The following TOX2 variants were observed in gnomAD, a reference collection of about 807,000 sequenced individuals.
TOX2 encodes TOX high mobility group box family member 2.
In TOX2, 15 loss-of-function variants were observed where a neutral mutation model predicts 47.4. That is an observed-to-expected ratio of 0.32 (90% CI 0.21 to 0.49). The LOEUF (loss-of-function observed/expected upper bound fraction) is 0.49. TOX2 is among the 20% of genes least tolerant of loss of function. The probability of loss-of-function intolerance (pLI) is 0.99; values close to 1 mark genes in which losing one functional copy is unlikely to be tolerated. For missense variants in TOX2, 622 were observed against 673.1 expected, an observed-to-expected ratio of 0.92 and a Z score of 0.84; for synonymous variants, 290 against 296.6, an observed-to-expected ratio of 0.98 and a Z score of 0.23.
At chr20:43,954,161 G>A (rs1463386313) in intron 1 of TOX2, among the ~76,000 whole-genome samples, 1 of 152,150 alleles carries the variant, frequency 6.6e-6, no homozygotes, top group African/African-American at 2.4e-5. Flanking sequence ...TCTGCCTACT[G>A]TGTCCTGCCT....
chr20:43,989,837 G>A (rs552512318), intron 2 of TOX2, among the ~76,000 whole-genome samples: 28 of 151,810 alleles, frequency 1.8e-4, no homozygotes, highest in Admixed American at 9.2e-4. Context: ...GTTACTGCAT[G>A]CCAGGAATCA....
At chr20:44,023,357 G>A (rs1279351694) in intron 3 of TOX2, among the ~76,000 whole-genome samples, 2 of 142,924 alleles carry the variant, frequency 1.4e-5, no homozygotes, top group East Asian at 4.4e-4. Flanking sequence ...TTGAACTTGG[G>A]AGGCAGAGTT....
chr20:44,055,954 G>C (rs7269222), intron 5 of TOX2, among the ~76,000 whole-genome samples: 17,937 of 152,074 alleles, frequency 0.12, 1,184 homozygotes, highest in African/African-American at 0.18. Context: ...GAGTTTATTT[G>C]GGAGATGATC....
intron 1 of TOX2, among the ~76,000 whole-genome samples, chr20:43,957,846 CA>C (rs1342334087): frequency 6.6e-5 from 10 of 152,142 alleles, no homozygotes; most frequent in African/African-American, 2.4e-4. Flanking sequence ...GTACACTTCA[CA>C]TGGCCAGCAG....
At chr20:44,068,233 G>C (rs2145809261) in intron 8 of TOX2, among the ~76,000 whole-genome samples, 1 of 152,218 alleles carries the variant, frequency 6.6e-6, no homozygotes, top group African/African-American at 2.4e-5. Flanking sequence ...AGCCTCCTGA[G>C]GCTTGCCCAT....
intron 2 of TOX2, among the ~76,000 whole-genome samples, chr20:44,004,716 A>T (rs2070648351): frequency 6.6e-6 from 1 of 152,226 alleles, no homozygotes; most frequent in South Asian, 2.1e-4. Flanking sequence ...TTCATCCAGC[A>T]GACACTCAGG....
chr20:43,916,968 G>C lies in TOX2; in HGVS notation c.99+1978G>C, dbSNP rs1262066399. On this transcript the variant is annotated intron_variant, in intron 1 of 8. Coordinates refer to ENST00000341197, the MANE Select transcript of TOX2 (RefSeq NM_001098797.2). This position sits in a 1 kb window ranked among gnomAD's most constrained non-coding sequence, Gnocchi z 5.0. ...ATCTCGCCGGGAAGGGCCCGTCAGG[G>C]AGGGAATGAGAAGCCGGCGATTCTG... 1.3e-5 allele frequency among the ~76,000 whole-genome samples: 2 copies of C among 152,200 alleles called. No individual in the cohort carries two copies. Among genetic ancestry groups the C allele is most frequent in the Non-Finnish European group, 2.9e-5 (2 of 68,038 alleles).
intron 1 of TOX2, among the ~76,000 whole-genome samples, chr20:43,953,583 A>G (rs1474238517): frequency 2.0e-5 from 3 of 152,130 alleles, no homozygotes; most frequent in South Asian, 2.1e-4. Context: ...GGCTGGTGGC[A>G]AGGTCAGTGT....
In TOX2 at chr20:43,926,353, G is replaced by C. The variant is rs530416509; in HGVS notation, c.99+11363G>C. ...GCAAATCCAGATGTTGGATCCAAAT[G>C]TGACTTTGAGTTTGATGGAAGTGCC... On this transcript the variant is annotated intron_variant, in intron 1 of 8. Coordinates refer to ENST00000341197, the MANE Select transcript of TOX2 (RefSeq NM_001098797.2). Among the ~76,000 whole-genome samples the C allele has an allele frequency of 9.9e-5, 15 of 152,270 alleles. No individual in the cohort carries two copies. The South Asian group carries it at 3.1e-3, about 32-fold the overall frequency.
intron 3 of TOX2, among the ~76,000 whole-genome samples, chr20:44,009,819 G>A (rs1021277711): frequency 1.3e-5 from 2 of 152,190 alleles, no homozygotes; most frequent in Non-Finnish European, 2.9e-5. Flanking sequence ...TTTGTCATCT[G>A]CTATGAGGGC....
chr20:44,006,134 CT>C (rs1256908275), intron 2 of TOX2, among the ~76,000 whole-genome samples: 1 of 152,238 alleles, frequency 6.6e-6, no homozygotes, highest in Non-Finnish European at 1.5e-5. Flanking sequence ...AATCAGGATA[CT>C]TCAGCTCCAT....
At position 43,948,999 on chromosome 20, in the gene TOX2, C is replaced by T. The variant is rs573992469; in HGVS notation, c.100-24368C>T. Among the ~76,000 whole-genome samples the T allele has an allele frequency of 4.6e-5, 7 of 152,224 alleles. No homozygotes were observed. The East Asian group carries it at 9.7e-4, about 21-fold the overall frequency. On this transcript the variant is annotated intron_variant, in intron 1 of 8. Coordinates refer to ENST00000341197, the MANE Select transcript of TOX2 (RefSeq NM_001098797.2). ...ATTGAGGCCATGGGAGCAGCAGCCC[C>T]CTAGTCATGGGGGGATTGGTGTAGA...
intron 1 of TOX2, among the ~76,000 whole-genome samples, chr20:43,919,729 T>C (rs574305274): frequency 7.2e-5 from 11 of 152,340 alleles, no homozygotes; most frequent in Non-Finnish European, 1.3e-4. Flanking sequence ...TGTGTCCATG[T>C]GTTCTCATTG....
chr20:43,949,744 C>T (rs1457734859), intron 1 of TOX2, among the ~76,000 whole-genome samples: 3 of 152,182 alleles, frequency 2.0e-5, no homozygotes, highest in Non-Finnish European at 4.4e-5. Context: ...TCTCTGATTG[C>T]CCCCACCGTC....
At chr20:44,067,349 C>T (rs906658723) in intron 8 of TOX2, among the ~76,000 whole-genome samples, 5 of 152,118 alleles carry the variant, frequency 3.3e-5, no homozygotes, top group Non-Finnish European at 5.9e-5. Flanking sequence ...GGAGCATGAA[C>T]GGTGCTAGAG....
At chr20:43,951,446 G>T (rs1056034574) in intron 1 of TOX2, among the ~76,000 whole-genome samples, 1 of 151,778 alleles carries the variant, frequency 6.6e-6, no homozygotes, top group Non-Finnish European at 1.5e-5. Context: ...GTATGGTGGC[G>T]CACACCTGTA....
At chr20:44,005,695 G>A (rs1375418191) in intron 2 of TOX2, among the ~76,000 whole-genome samples, 2 of 152,238 alleles carry the variant, frequency 1.3e-5, no homozygotes, top group East Asian at 3.8e-4. Flanking sequence ...GAGCCTGTCA[G>A]TGGATGCAGG....
chr20:44,048,768 G>C (rs1440601884), intron 3 of TOX2, among the ~76,000 whole-genome samples: 3 of 151,542 alleles, frequency 2.0e-5, no homozygotes, highest in Admixed American at 2.0e-4. Context: ...AAAAAAATGA[G>C]ACAAAAAAGA....
At chr20:44,030,201 C>A (rs1393442862) in intron 3 of TOX2, among the ~76,000 whole-genome samples, 1 of 152,122 alleles carries the variant, frequency 6.6e-6, no homozygotes, top group Non-Finnish European at 1.5e-5. Context: ...GTCTCTTCTC[C>A]TATGTAAGCA....
Sources: allele counts gnomAD v4.1 joint callset (sites outside exome capture counted in the v4.1 genomes callset), GRCh38; gene constraint gnomAD v4.1.1; non-coding constraint Gnocchi (gnomAD v3.1); transcripts MANE v1.5; gene names NCBI Gene and HGNC (gene_info 2026-07-23, HGNC 2026-07-21).